Variants in ABRAXAS2 observed in about 807,000 individuals in gnomAD.
ABRAXAS2 encodes the protein BRISC complex subunit Abraxas 2.
In ABRAXAS2, 23 loss-of-function variants were observed where a neutral mutation model predicts 49.0. That is an observed-to-expected ratio of 0.47 (90% CI 0.34 to 0.66). ABRAXAS2 has a LOEUF of 0.66. Ranked by LOEUF, ABRAXAS2 falls within the 30% of genes least tolerant of loss-of-function variation. ABRAXAS2 has a pLI of 0.01. For missense variants in ABRAXAS2, 443 were observed against 511.9 expected, an observed-to-expected ratio of 0.87 and a Z score of 1.30; for synonymous variants, 168 against 180.2, an observed-to-expected ratio of 0.93 and a Z score of 0.54.
chr10:124,803,469 T>C lies in ABRAXAS2; in HGVS notation c.72+1568T>C, dbSNP rs150797518. 3.9e-4 allele frequency among the ~76,000 whole-genome samples: 59 copies of C among 152,370 alleles called. 1 individual carries two copies. The East Asian group carries it at 0.011, about 29-fold the overall frequency. ...AAATTAATTTAAAACCACTCATTTGTAGACCTGGGGCTACCATACTTTTCT... is the reference window on the plus strand; with the variant it reads ...AAATTAATTTAAAACCACTCATTTGCAGACCTGGGGCTACCATACTTTTCT... On this transcript the variant is annotated intron_variant, in intron 1 of 8. Transcript: ENST00000298492.
intron 2 of ABRAXAS2, among the ~76,000 whole-genome samples, chr10:124,810,044 C>G (rs541532874): frequency 6.6e-6 from 1 of 152,316 alleles, no homozygotes; most frequent in South Asian, 2.1e-4. Flanking sequence ...TGAGTCACCA[C>G]GCCCAGCCAT....
At chr10:124,807,001 C>T (rs560946556) in intron 2 of ABRAXAS2, 80 bp downstream of exon 2, 13 of 1,132,346 alleles carry the variant, frequency 1.1e-5, no homozygotes, top group Non-Finnish European at 1.7e-5. Context: ...TTGCCCTTAA[C>T]TGATTTTATC....
chr10:124,820,482 A>T (rs1040026578), intron 4 of ABRAXAS2, among the ~76,000 whole-genome samples: 5 of 151,698 alleles, frequency 3.3e-5, no homozygotes, highest in African/African-American at 1.2e-4. Context: ...ACTTTTTTTT[A>T]AAGTTTTTTA....
chr10:124,831,283 C>A, intron 7 of ABRAXAS2, 66 bp from the exon 8 acceptor site: 2 of 945,624 alleles, frequency 2.1e-6, no homozygotes, highest in South Asian at 1.3e-5. Context: ...TTGTAATCAG[C>A]GCTGAATTTA....
chr10:124,816,525 G>T, intron 2 of ABRAXAS2, 51 bp from the exon 3 acceptor site: 1 of 1,280,058 alleles, frequency 7.8e-7, no homozygotes, highest in Non-Finnish European at 1.1e-6. Context: ...TTTTATAGTT[G>T]CCTATGTCTT....
intron 2 of ABRAXAS2, among the ~76,000 whole-genome samples, chr10:124,811,036 G>T (rs1402701776): frequency 6.0e-5 from 9 of 149,298 alleles, no homozygotes; most frequent in Admixed American, 6.0e-4. Context: ...TGGCTAACAT[G>T]GTGAAACCCC....
At chr10:124,825,168 A>G (rs928712898) in intron 4 of ABRAXAS2, among the ~76,000 whole-genome samples, 1 of 151,944 alleles carries the variant, frequency 6.6e-6, no homozygotes, top group Non-Finnish European at 1.5e-5. Flanking sequence ...CTAAAAATAA[A>G]TTAGCCAGGC....
intron 2 of ABRAXAS2, among the ~76,000 whole-genome samples, chr10:124,809,775 C>T (rs574281460): frequency 1.1e-3 from 164 of 148,928 alleles, no homozygotes; most frequent in Admixed American, 2.5e-3. Context: ...TTTTTGAGAC[C>T]GAGTTTCACT....
At position 124,813,521 on chromosome 10, in the gene ABRAXAS2, T is replaced by TG. The variant is rs539949418; in HGVS notation, c.164-3054dup. On this transcript the variant is annotated intron_variant, in intron 2 of 8. Coordinates refer to ENST00000298492, the MANE Select transcript of ABRAXAS2 (RefSeq NM_032182.4). ...GAGAGGCGATGTGTACATGAGCAGG[T>TG]GTCTACTGTGTTGTTGAGGCACAAG... 1.7e-4 allele frequency among the ~76,000 whole-genome samples: 26 copies of TG among 152,290 alleles called. No homozygotes were observed. The East Asian group carries it at 4.6e-3, about 27-fold the overall frequency.
chr10:124,811,675 T>G (rs1950789035), intron 2 of ABRAXAS2, among the ~76,000 whole-genome samples: 1 of 151,676 alleles, frequency 6.6e-6, no homozygotes, highest in Non-Finnish European at 1.5e-5. Context: ...GAGGCGGAGC[T>G]TGCAGTGAGC....
chr10:124,820,910 T>A (rs1480585964), intron 4 of ABRAXAS2, among the ~76,000 whole-genome samples: 1 of 152,100 alleles, frequency 6.6e-6, no homozygotes, highest in Non-Finnish European at 1.5e-5. Context: ...AATTTTTATT[T>A]TATTTGTATT....
chr10:124,833,534 C>T (rs747313167), intron 8 of ABRAXAS2, among the ~76,000 whole-genome samples: 22 of 152,124 alleles, frequency 1.4e-4, no homozygotes, highest in Non-Finnish European at 2.9e-5. Flanking sequence ...TATACATGTA[C>T]AGACAAACAC....
intron 1 of ABRAXAS2, among the ~76,000 whole-genome samples, chr10:124,806,029 G>A (rs1162657893): frequency 1.3e-5 from 2 of 152,120 alleles, no homozygotes; most frequent in African/African-American, 2.4e-5. Flanking sequence ...GGCTGGGCAC[G>A]ATGGCTCACG....
rs778670661 is a variant in ABRAXAS2, at chr10:124,835,644, C to T, written c.*673C>T. On this transcript the variant is annotated 3_prime_UTR_variant, in exon 9 of 9. Coordinates refer to ENST00000298492, the MANE Select transcript of ABRAXAS2 (RefSeq NM_032182.4). The stretch of plus-strand genomic sequence containing the variant: ...CAGTAAGTAATCATCCAAATAAATA[C>T]GTCATAAAATAAATTAATTATTTTT... 5.3e-5 allele frequency: 8 copies of T among 151,820 alleles called. No individual in the cohort carries two copies. The highest frequency in any genetic ancestry group is 2.0e-4 in the Admixed American group (3 of 15,214). The allele number at this position is 151,820 out of a possible 1,614,324, so 9.4% of individuals were successfully genotyped here. A position where few individuals can be genotyped will look rare whatever the true frequency, so the allele number is the denominator to read the frequency against.
Position 124,829,479 on chromosome 10 carries a change from T to C in ABRAXAS2, c.663+2T>C. The C allele has an allele frequency of 6.3e-7, 1 of 1,580,632 alleles. No individual in the cohort carries two copies. The highest frequency in any genetic ancestry group is 8.7e-7 in the Non-Finnish European group (1 of 1,155,056). On this transcript the variant is annotated splice_donor_variant, in intron 7 of 8. Transcript: ENST00000298492. LOFTEE classifies it high-confidence loss of function. ...AATGCACTTCAGGAGAAAGTTCAGGTAACTGATTTATTTATTAGTTTTCAT... is the reference window on the plus strand; with the variant it reads ...AATGCACTTCAGGAGAAAGTTCAGGCAACTGATTTATTTATTAGTTTTCAT...
chr10:124,830,252 C>T (rs1310550366), intron 7 of ABRAXAS2, among the ~76,000 whole-genome samples: 1 of 152,096 alleles, frequency 6.6e-6, no homozygotes, highest in Non-Finnish European at 1.5e-5. Flanking sequence ...CGAGATCAGC[C>T]TGGGCAACAT....
intron 4 of ABRAXAS2, 46 bp from the exon 5 acceptor site, chr10:124,826,549 A>AT: frequency 6.4e-7 from 1 of 1,573,256 alleles, no homozygotes; most frequent in South Asian, 1.2e-5. Context: ...TACATTCAGA[A>AT]TTAAATTTGT....
intron 1 of ABRAXAS2, among the ~76,000 whole-genome samples, chr10:124,805,069 T>G (rs901801776): frequency 1.3e-5 from 2 of 151,974 alleles, no homozygotes; most frequent in Non-Finnish European, 2.9e-5. Flanking sequence ...TTTAGGACAC[T>G]CCCCCTCCTC....
chr10:124,828,027 G>C (rs1311586705), intron 5 of ABRAXAS2, among the ~76,000 whole-genome samples: 1 of 152,126 alleles, frequency 6.6e-6, no homozygotes. Flanking sequence ...GATAAGCAAG[G>C]TTTTACTTTA....
Sources: allele counts gnomAD v4.1 joint callset (sites outside exome capture counted in the v4.1 genomes callset), GRCh38; gene constraint gnomAD v4.1.1; transcripts MANE v1.5; gene names NCBI Gene and HGNC (gene_info 2026-07-23, HGNC 2026-07-21).